CNTN5: variants seen among roughly 807,000 people sequenced by gnomAD.
CNTN5 encodes the protein contactin 5.
In CNTN5, 77 loss-of-function variants were observed where a neutral mutation model predicts 129.1. The observed-to-expected ratio is 0.60, with a 90% confidence interval of 0.50 to 0.72. The LOEUF (loss-of-function observed/expected upper bound fraction) is 0.72, where lower values mean the gene tolerates loss of function less well. Among genes scored for constraint, CNTN5 ranks in the 30% least tolerant of loss-of-function variants. CNTN5 has a pLI of 0.00. For missense variants in CNTN5, 1,478 were observed against 1,328.8 expected (o/e 1.11, Z -1.75); for synonymous variants, 509 against 465.6 (o/e 1.09, Z -1.20).
chr11:99,744,844 G>A (rs935994157), intron 3 of CNTN5, among the ~76,000 whole-genome samples: 1 of 151,974 alleles, frequency 6.6e-6, no homozygotes, highest in Non-Finnish European at 1.5e-5. Flanking sequence ...CACATACTAT[G>A]TAGGGAAAGA....
At chr11:100,354,466 A>G (rs989624656) in intron 24 of CNTN5, among the ~76,000 whole-genome samples, 6 of 151,750 alleles carry the variant, frequency 4.0e-5, no homozygotes, top group African/African-American at 1.4e-4. Context: ...AAGAGTGACG[A>G]AAGATCACCA....
At chr11:100,077,507 TA>T (rs1358570224) in intron 13 of CNTN5, among the ~76,000 whole-genome samples, 1 of 151,952 alleles carries the variant, frequency 6.6e-6, no homozygotes, top group Non-Finnish European at 1.5e-5. Flanking sequence ...GAAAAGGAAT[TA>T]ACATAATAGT....
chr11:99,299,587 C>A (rs995190286), intron 1 of CNTN5, among the ~76,000 whole-genome samples: 5 of 152,054 alleles, frequency 3.3e-5, no homozygotes, highest in Admixed American at 6.6e-5. Flanking sequence ...CACTTATTGC[C>A]CATTGTATAC....
At chr11:100,103,736 G>A (rs1389585533) in intron 13 of CNTN5, among the ~76,000 whole-genome samples, 1 of 152,118 alleles carries the variant, frequency 6.6e-6, no homozygotes, top group Non-Finnish European at 1.5e-5. Context: ...ACCAGTGCCT[G>A]CAATGCTACA....
intron 9 of CNTN5, among the ~76,000 whole-genome samples, chr11:100,045,724 A>AG (rs1038299171): frequency 2.0e-5 from 3 of 151,784 alleles, no homozygotes; most frequent in African/African-American, 7.3e-5. Context: ...TATTATTAAA[A>AG]AAAAAAAAAA....
intron 20 of CNTN5, among the ~76,000 whole-genome samples, chr11:100,302,607 G>A (rs115862130): frequency 1.5e-4 from 22 of 151,440 alleles, no homozygotes; most frequent in Non-Finnish European, 2.1e-4. Context: ...TTTCACAGCC[G>A]ACACCAAGCT....
chr11:99,587,084 A>G (rs912670896), intron 3 of CNTN5, among the ~76,000 whole-genome samples: 1 of 152,196 alleles, frequency 6.6e-6, no homozygotes, highest in Non-Finnish European at 1.5e-5. Flanking sequence ...AGTTTATGCC[A>G]TATGTTGAAA....
intron 20 of CNTN5, 104 bp from the exon 21 acceptor site, chr11:100,308,255 A>G (rs573814824): frequency 2.5e-5 from 25 of 1,010,378 alleles, no homozygotes; most frequent in South Asian, 8.8e-5. Flanking sequence ...ACAGCACTTC[A>G]TTTCAAAAAT....
At chr11:99,266,563 C>T (rs1166247089) in intron 1 of CNTN5, among the ~76,000 whole-genome samples, 5 of 152,118 alleles carry the variant, frequency 3.3e-5, no homozygotes, top group Admixed American at 6.6e-5. Flanking sequence ...CATTGCACCA[C>T]GGCACTTCAG....
intron 3 of CNTN5, among the ~76,000 whole-genome samples, chr11:99,807,151 TA>T (rs76001843): frequency 5.3e-5 from 8 of 151,648 alleles, no homozygotes; most frequent in African/African-American, 9.7e-5. Flanking sequence ...TTGTAGAAAG[TA>T]AAAAAAAGAT....
chr11:99,082,983 C>T (rs750455174), intron 1 of CNTN5, among the ~76,000 whole-genome samples: 49 of 151,960 alleles, frequency 3.2e-4, no homozygotes, highest in Non-Finnish European at 5.6e-4. Flanking sequence ...TTTCTTTCTA[C>T]ATTCCCCCTT....
At chr11:99,851,842 C>T (rs1947883584) in intron 6 of CNTN5, among the ~76,000 whole-genome samples, 1 of 152,078 alleles carries the variant, frequency 6.6e-6, no homozygotes, top group Non-Finnish European at 1.5e-5. Context: ...TCATATAAAA[C>T]TCAAAAATTA....
At chr11:99,502,418 T>TG (rs578113990) in intron 2 of CNTN5, among the ~76,000 whole-genome samples, 9 of 151,848 alleles carry the variant, frequency 5.9e-5, no homozygotes, top group Non-Finnish European at 1.0e-4. Flanking sequence ...TCACGGGGGT[T>TG]GGGGGGGTGG....
intron 2 of CNTN5, among the ~76,000 whole-genome samples, chr11:99,414,268 G>C (rs7110283): frequency 6.6e-6 from 1 of 151,916 alleles, no homozygotes. Flanking sequence ...GTGTTAACAC[G>C]TTTAATTTAA....
intron 16 of CNTN5, among the ~76,000 whole-genome samples, chr11:100,244,083 T>A (rs1949794650): frequency 6.6e-6 from 1 of 152,128 alleles, no homozygotes; most frequent in Admixed American, 6.6e-5. Flanking sequence ...TGTACTGGTT[T>A]CCACTATCTA....
chr11:100,143,946 G>A (rs1183900442), intron 13 of CNTN5, among the ~76,000 whole-genome samples: 1 of 152,064 alleles, frequency 6.6e-6, no homozygotes, highest in Non-Finnish European at 1.5e-5. Context: ...TCTCATTTTA[G>A]TGCTTACCTT....
At chr11:99,393,352 AAG>A (rs1203616142) in intron 2 of CNTN5, among the ~76,000 whole-genome samples, 6 of 151,858 alleles carry the variant, frequency 4.0e-5, no homozygotes, top group Non-Finnish European at 8.8e-5. Flanking sequence ...TGGTAAATTA[AAG>A]AGTGTTCATT....
At chr11:100,048,697 G>A (rs562651335) in intron 9 of CNTN5, among the ~76,000 whole-genome samples, 1 of 151,866 alleles carries the variant, frequency 6.6e-6, no homozygotes, top group Admixed American at 6.6e-5. Flanking sequence ...GGAATTATAG[G>A]TATTGCTTTA....
At chr11:99,385,048 T>C (rs563411311) in intron 2 of CNTN5, among the ~76,000 whole-genome samples, 1 of 152,226 alleles carries the variant, frequency 6.6e-6, no homozygotes, top group African/African-American at 2.4e-5. Context: ...TTTGTTTGTT[T>C]GTTTTTGTAA....
Sources: allele counts gnomAD v4.1 joint callset (sites outside exome capture counted in the v4.1 genomes callset), GRCh38; gene constraint gnomAD v4.1.1; transcripts MANE v1.5; gene names NCBI Gene and HGNC (gene_info 2026-07-23, HGNC 2026-07-21).